Variants in CDH18 observed in about 807,000 individuals in gnomAD.
CDH18 encodes cadherin-18.
A neutral mutation model predicts 67.9 loss-of-function variants in CDH18; 31 were observed. That is an observed-to-expected ratio of 0.46 (90% CI 0.34 to 0.62). CDH18 has a LOEUF of 0.62. CDH18 is among the 20% of genes least tolerant of loss of function. The pLI is 0.01. For synonymous variants in CDH18, 362 were observed against 347.2 expected, an observed-to-expected ratio of 1.04 and a Z score of -0.48; for missense variants, 890 against 975.5, an observed-to-expected ratio of 0.91 and a Z score of 1.17.
intron 5 of CDH18, among the ~76,000 whole-genome samples, chr5:19,669,253 A>G (rs936973385): frequency 6.9e-6 from 1 of 145,572 alleles, no homozygotes; most frequent in Non-Finnish European, 1.5e-5. Context: ...TATATTATAT[A>G]TAAAATATTA....
intron 2 of CDH18, among the ~76,000 whole-genome samples, chr5:19,892,475 A>T (rs1203299077): frequency 6.6e-6 from 1 of 152,140 alleles, no homozygotes; most frequent in Non-Finnish European, 1.5e-5. Context: ...AATTCTTAAC[A>T]CTGGAATGAC....
rs1741995129 is a variant in CDH18 at position 19,574,566 on chromosome 5, AT to A, written c.1000-2735del. Among the ~76,000 whole-genome samples, 3 of 152,260 alleles carry A rather than the reference AT, an allele frequency of 2.0e-5. No individual in the cohort carries two copies. In the South Asian group the frequency reaches 6.2e-4, roughly 32 times the overall value. The stretch of plus-strand genomic sequence containing the variant: ...GCCTGGATATTTTAGAGTTATATAT[AT>A]AATAGAAATTATTGTATTATTTGGT... On this transcript the variant is annotated intron_variant, in intron 7 of 12. Coordinates refer to ENST00000382275, the MANE Select transcript of CDH18 (RefSeq NM_004934.5).
At position 19,587,797 on chromosome 5, in the gene CDH18, T is replaced by C. The variant is rs115869478; in HGVS notation, c.999+3260A>G. On this transcript the variant is annotated intron_variant, in intron 7 of 12. Transcript: ENST00000382275. ...AGGTTTTTTGGTTTCATATAAATTTTAAATCATTTTTTTCTAATTCTCTGA... is the reference window on the plus strand; with the variant it reads ...AGGTTTTTTGGTTTCATATAAATTTCAAATCATTTTTTTCTAATTCTCTGA... Among the ~76,000 whole-genome samples the C allele has an allele frequency of 1.6e-3, 246 of 152,232 alleles. 1 individual carries two copies. The highest frequency in any genetic ancestry group is 5.7e-3 in the African/African-American group (235 of 41,568).
At chr5:20,229,041 TG>T (rs1385110438) in intron 2 of CDH18, among the ~76,000 whole-genome samples, 1 of 152,098 alleles carries the variant, frequency 6.6e-6, no homozygotes, top group Non-Finnish European at 1.5e-5. Flanking sequence ...AGTTGGTGAA[TG>T]TTTTTTGTAA....
chr5:19,813,991 A>G (rs897504303), intron 3 of CDH18, among the ~76,000 whole-genome samples: 2 of 152,038 alleles, frequency 1.3e-5, no homozygotes, highest in Non-Finnish European at 2.9e-5. Flanking sequence ...AACCAGAAGT[A>G]TTATCCAGAA....
intron 5 of CDH18, among the ~76,000 whole-genome samples, chr5:19,685,680 A>T (rs139018685): frequency 6.6e-6 from 1 of 152,154 alleles, no homozygotes; most frequent in East Asian, 1.9e-4. Context: ...CTGACTCATG[A>T]GCTCCTTCTG....
At chr5:20,138,299 T>C (rs1749920508) in intron 2 of CDH18, among the ~76,000 whole-genome samples, 1 of 152,130 alleles carries the variant, frequency 6.6e-6, no homozygotes, top group African/African-American at 2.4e-5. Flanking sequence ...AAACTAGGTA[T>C]TGATGGGATG....
At chr5:20,405,537 C>A (rs1315275499) in intron 1 of CDH18, among the ~76,000 whole-genome samples, 6 of 152,300 alleles carry the variant, frequency 3.9e-5, no homozygotes, top group African/African-American at 1.4e-4. Flanking sequence ...GCAAGGACTT[C>A]ATGTCTAAAA....
chr5:19,532,495 G>A (rs1222913300), intron 9 of CDH18, among the ~76,000 whole-genome samples: 2 of 152,156 alleles, frequency 1.3e-5, no homozygotes, highest in African/African-American at 2.4e-5. Context: ...GTATATGTGT[G>A]AGTGCCTGGG....
chr5:20,480,408 AG>A (rs1240686878), intron 1 of CDH18, among the ~76,000 whole-genome samples: 1 of 151,778 alleles, frequency 6.6e-6, no homozygotes, highest in Non-Finnish European at 1.5e-5. Context: ...GCTAAAGTGT[AG>A]AGTCTTTTTG....
At chr5:20,509,431 T>A (rs1291631545) in intron 1 of CDH18, among the ~76,000 whole-genome samples, 1 of 138,890 alleles carries the variant, frequency 7.2e-6, no homozygotes, top group African/African-American at 2.6e-5. Flanking sequence ...TTAGATGGAG[T>A]CTCATTCTGT....
chr5:20,469,963 C>T (rs1751933302), intron 1 of CDH18, among the ~76,000 whole-genome samples: 1 of 152,130 alleles, frequency 6.6e-6, no homozygotes, highest in African/African-American at 2.4e-5. Flanking sequence ...CAAACTCCTC[C>T]AGACACTCAG....
intron 2 of CDH18, among the ~76,000 whole-genome samples, chr5:19,949,660 A>T (rs73762455): frequency 6.6e-6 from 1 of 152,140 alleles, no homozygotes; most frequent in East Asian, 1.9e-4. Flanking sequence ...AAGATTATGA[A>T]AAATTTTTGC....
At chr5:19,992,204 A>T (rs1800024810), upstream of CDH18, among the ~76,000 whole-genome samples, 2 of 152,122 alleles carry the variant, frequency 1.3e-5, no homozygotes, top group South Asian at 4.1e-4. Flanking sequence ...TCTTCAATGC[A>T]TGTATAATAT....
intron 2 of CDH18, among the ~76,000 whole-genome samples, chr5:20,086,828 G>T (rs1052009280): frequency 2.0e-5 from 3 of 152,128 alleles, no homozygotes; most frequent in Admixed American, 1.3e-4. Context: ...CTTTAATGGA[G>T]ATGTGTAAGA....
intron 10 of CDH18, among the ~76,000 whole-genome samples, chr5:19,503,498 T>C (rs1203590179): frequency 6.6e-6 from 1 of 152,098 alleles, no homozygotes; most frequent in African/African-American, 2.4e-5. Context: ...AGCTTATCAC[T>C]GTATGTTGGT....
intron 5 of CDH18, among the ~76,000 whole-genome samples, chr5:19,613,978 A>G (rs1308702024): frequency 6.6e-6 from 1 of 152,144 alleles, no homozygotes; most frequent in Non-Finnish European, 1.5e-5. Flanking sequence ...TTTAATAAAT[A>G]CACCAATGAC....
At chr5:20,148,194 C>T (rs1397144111) in intron 2 of CDH18, among the ~76,000 whole-genome samples, 1 of 151,470 alleles carries the variant, frequency 6.6e-6, no homozygotes, top group Non-Finnish European at 1.5e-5. Context: ...CAGGTTCAAG[C>T]GATTCTCCTG....
chr5:19,697,719 G>A (rs1239286213), intron 5 of CDH18, among the ~76,000 whole-genome samples: 1 of 152,028 alleles, frequency 6.6e-6, no homozygotes, highest in African/African-American at 2.4e-5. Flanking sequence ...ACTTTGTTAG[G>A]GTCACAAGAA....
Sources: allele counts gnomAD v4.1 joint callset (sites outside exome capture counted in the v4.1 genomes callset), GRCh38; gene constraint gnomAD v4.1.1; transcripts MANE v1.5; gene names NCBI Gene and HGNC (gene_info 2026-07-23, HGNC 2026-07-21).